Variants in AGBL4 observed in about 807,000 individuals in gnomAD.
AGBL4 encodes cytosolic carboxypeptidase 6.
AGBL4 carries 58 observed loss-of-function variants against 66.4 expected under a neutral mutation model. The ratio of observed to expected loss-of-function variants is 0.87; its 90% CI spans 0.71 to 1.09. The LOEUF (loss-of-function observed/expected upper bound fraction) is 1.09, where lower values mean the gene tolerates loss of function less well. AGBL4 is among the 50% of genes least tolerant of loss of function. AGBL4 has a pLI of 0.00. For missense variants in AGBL4, 579 were observed against 631.0 expected (o/e 0.92, Z 0.88); for synonymous variants, 234 against 222.9 (o/e 1.05, Z -0.44).
chr1:49,205,017 T>G (rs1482940705), intron 4 of AGBL4, among the ~76,000 whole-genome samples: 1 of 152,106 alleles, frequency 6.6e-6, no homozygotes, highest in African/African-American at 2.4e-5. Flanking sequence ...GTACAACTAC[T>G]CAGAGAAGAT....
intron 3 of AGBL4, among the ~76,000 whole-genome samples, chr1:49,314,748 C>G (rs1570415302): frequency 6.6e-6 from 1 of 151,964 alleles, no homozygotes; most frequent in African/African-American, 2.4e-5. Flanking sequence ...ACATACCCAG[C>G]AATGAGATTG....
At chr1:49,249,518 G>C (rs976728479) in intron 3 of AGBL4, among the ~76,000 whole-genome samples, 1 of 152,008 alleles carries the variant, frequency 6.6e-6, no homozygotes, top group Non-Finnish European at 1.5e-5. Flanking sequence ...ACCACAATGA[G>C]GTATCATCTC....
At chr1:48,972,868 C>A (rs12034938) in intron 5 of AGBL4, among the ~76,000 whole-genome samples, 1 of 152,122 alleles carries the variant, frequency 6.6e-6, no homozygotes, top group Admixed American at 6.5e-5. Context: ...CTGTTTGTTA[C>A]GCAGTAAGGG....
intron 5 of AGBL4, among the ~76,000 whole-genome samples, chr1:48,973,074 G>A (rs1659043521): frequency 6.6e-6 from 1 of 152,034 alleles, no homozygotes; most frequent in African/African-American, 2.4e-5. Flanking sequence ...CAGGAAATAC[G>A]TAAACAGAAT....
intron 4 of AGBL4, among the ~76,000 whole-genome samples, chr1:49,232,122 G>C (rs528739323): frequency 6.6e-6 from 1 of 152,212 alleles, no homozygotes; most frequent in African/African-American, 2.4e-5. Flanking sequence ...CCACTGGGGG[G>C]AGTGATGAAA....
intron 11 of AGBL4, among the ~76,000 whole-genome samples, chr1:48,556,833 A>G (rs1363213006): frequency 2.0e-5 from 3 of 152,094 alleles, no homozygotes; most frequent in African/African-American, 7.2e-5. Flanking sequence ...CTGTAGCCCA[A>G]GCTGGAGTGT....
intron 1 of AGBL4, among the ~76,000 whole-genome samples, chr1:49,935,928 G>A (rs185402809): frequency 7.2e-5 from 11 of 152,152 alleles, no homozygotes; most frequent in African/African-American, 1.7e-4. Context: ...AAAGCAGAGC[G>A]CCTCTCCACC....
In AGBL4 at chr1:48,800,356, A is replaced by G. The variant is rs2148742251; in HGVS notation, c.634+66835T>C. 1.3e-5 allele frequency among the ~76,000 whole-genome samples: 2 copies of G among 152,156 alleles called. 1 individual carries two copies. Among genetic ancestry groups the G allele is most frequent in the Middle Eastern group, 6.8e-3 (2 of 294 alleles). Reference sequence around the variant, plus strand: ...TATCCATCGTAATAGCTCCTGTTTCATTTCTAATTGAGCTTATTTGGATCA... The same window carrying G: ...TATCCATCGTAATAGCTCCTGTTTCGTTTCTAATTGAGCTTATTTGGATCA... On this transcript the variant is annotated intron_variant, in intron 6 of 13. Coordinates refer to ENST00000371839, the MANE Select transcript of AGBL4 (RefSeq NM_032785.4).
At chr1:49,042,663 T>C (rs1203645133) in intron 5 of AGBL4, among the ~76,000 whole-genome samples, 1 of 152,160 alleles carries the variant, frequency 6.6e-6, no homozygotes. Flanking sequence ...AGAAGAAAGC[T>C]AGAAGAACCT....
chr1:49,423,346 T>C (rs1381973575), intron 3 of AGBL4, among the ~76,000 whole-genome samples: 1 of 152,208 alleles, frequency 6.6e-6, no homozygotes, highest in African/African-American at 2.4e-5. Context: ...GCTCAGAAAG[T>C]ATTTTAAAAA....
intron 3 of AGBL4, among the ~76,000 whole-genome samples, chr1:49,510,783 G>A (rs1251484232): frequency 7.3e-5 from 11 of 151,072 alleles, no homozygotes; most frequent in Non-Finnish European, 1.5e-5. Context: ...AAGGGATCCA[G>A]TTTCAGCTTT....
chr1:49,623,720 T>C (rs1264620400), intron 3 of AGBL4, among the ~76,000 whole-genome samples: 1 of 152,226 alleles, frequency 6.6e-6, no homozygotes, highest in Non-Finnish European at 1.5e-5. Context: ...ATTGTTTATA[T>C]GACATAGATT....
intron 1 of AGBL4, among the ~76,000 whole-genome samples, chr1:49,881,704 C>G (rs1309449403): frequency 6.6e-6 from 1 of 150,882 alleles, no homozygotes; most frequent in African/African-American, 2.5e-5. Context: ...AGTGTCTGTT[C>G]ATGTCCCTCG....
chr1:49,776,812 T>C (rs1462061305), intron 2 of AGBL4, among the ~76,000 whole-genome samples: 1 of 152,150 alleles, frequency 6.6e-6, no homozygotes, highest in African/African-American at 2.4e-5. Flanking sequence ...ATGTGTTTAA[T>C]GTCTGCCTCC....
At chr1:48,687,829 C>T (rs905451579) in intron 6 of AGBL4, among the ~76,000 whole-genome samples, 1 of 152,228 alleles carries the variant, frequency 6.6e-6, no homozygotes, top group Non-Finnish European at 1.5e-5. Context: ...CTCCTGCAGA[C>T]CTATCCGCAG....
intron 1 of AGBL4, among the ~76,000 whole-genome samples, chr1:49,979,359 G>T (rs1422639941): frequency 6.6e-6 from 1 of 151,668 alleles, no homozygotes; most frequent in African/African-American, 2.4e-5. Context: ...TACTCGGGAG[G>T]CTGAGGCAGG....
chr1:48,761,618 C>G (rs1570563186), intron 6 of AGBL4: 1 of 792,642 alleles, frequency 1.3e-6, no homozygotes, highest in East Asian at 2.7e-5. Flanking sequence ...CTGGTTCCCT[C>G]TTGCATGCAG....
intron 3 of AGBL4, among the ~76,000 whole-genome samples, chr1:49,261,235 T>C (rs900001038): frequency 8.6e-5 from 13 of 151,550 alleles, no homozygotes; most frequent in African/African-American, 2.9e-4. Flanking sequence ...AGCATTCCCT[T>C]TGAAAACTGG....
At chr1:49,439,723 C>A (rs1259542977) in intron 3 of AGBL4, among the ~76,000 whole-genome samples, 1 of 152,138 alleles carries the variant, frequency 6.6e-6, no homozygotes, top group South Asian at 2.1e-4. Flanking sequence ...ATAGACTGGC[C>A]TAGCCTCCCA....
Sources: gnomAD v4.1 joint callset for allele counts (sites outside exome capture counted in the v4.1 genomes callset) on GRCh38, gnomAD v4.1.1 for gene constraint, MANE v1.5 for transcripts, NCBI Gene and HGNC (gene_info 2026-07-23, HGNC 2026-07-21) for gene names.